The following BICRA variants were observed in gnomAD, a reference collection of about 807,000 sequenced individuals.
BICRA encodes BRD4-interacting chromatin-remodeling complex-associated protein.
Under a neutral mutation model 96.9 loss-of-function variants are expected in BICRA, and 31 were observed. That is an observed-to-expected ratio of 0.32 (90% CI 0.24 to 0.43). BICRA has a LOEUF of 0.43. Ranked by LOEUF, BICRA falls within the 20% of genes least tolerant of loss-of-function variation. BICRA has a pLI of 1.00. For synonymous variants in BICRA, 1,350 were observed against 1,071.8 expected (o/e 1.26, Z -5.07); for missense variants, 2,283 against 2,190.3 (o/e 1.04, Z -0.84).
intron 1 of BICRA, among the ~76,000 whole-genome samples, chr19:47,650,098 G>A (rs1394307330): frequency 2.6e-5 from 4 of 151,848 alleles, no homozygotes; most frequent in Admixed American, 2.0e-4. Flanking sequence ...ATTTACAGGT[G>A]CATGCCACCA....
In BICRA at chr19:47,698,584, C is replaced by CCTCCCCCCCCCCCCCCCCCCG; in HGVS notation, c.3249-50_3249-49insCTCCCCCCCCCCCCCCCCCCG. 6.4e-6 allele frequency: 5 copies of CCTCCCCCCCCCCCCCCCCCCG among 785,674 alleles called. No individual in the cohort carries two copies. The highest frequency in any genetic ancestry group is 1.1e-5 in the Non-Finnish European group (5 of 442,434). 48.7% of individuals were successfully genotyped at this position (785,674 alleles called of 1,614,324 possible). A position where few individuals can be genotyped will look rare whatever the true frequency, so the allele number is the denominator to read the frequency against. On this transcript the variant is annotated intron_variant, in intron 11 of 14. Coordinates refer to ENST00000594866, the MANE Select transcript of BICRA (RefSeq NM_001394372.1). This position sits in a 1 kb window ranked among gnomAD's most constrained non-coding sequence, Gnocchi z 4.8. ...TCAGGGACTTCCCCTGGCCCTCACC[C>CCTCCCCCCCCCCCCCCCCCCG]GTCCCCCCCACCCTCCGCCGTGTGT...
chr19:47,695,342 T>TCGGGGGGGCCCCCCCCCCCC, intron 9 of BICRA, 23 bp from the exon 10 acceptor site: 2 of 630,180 alleles, frequency 3.2e-6, no homozygotes, highest in Non-Finnish European at 5.7e-6. Context: ...AGGCCCTGTC[T>TCGGGGGGGCCCCCCCCCCCC]CCCCCACCCC....
intron 2 of BICRA, among the ~76,000 whole-genome samples, chr19:47,670,981 C>T (rs1972854116): frequency 6.6e-6 from 1 of 152,142 alleles, no homozygotes; most frequent in African/African-American, 2.4e-5. Context: ...ACACTCCCCA[C>T]AGCCAGCCCC....
At position 47,680,997 on chromosome 19, in the gene BICRA, C is replaced by G. The variant is rs957806891; in HGVS notation, c.1827C>G (p.Ala609=). The G allele has an allele frequency of 2.1e-6, 3 of 1,460,318 alleles. No homozygotes were observed. The highest frequency in any genetic ancestry group is 2.9e-5 in the East Asian group (1 of 33,926). The allele number at this position is 1,460,318 out of a possible 1,614,324, so 90.5% of individuals were successfully genotyped here. A position where few individuals can be genotyped will look rare whatever the true frequency, so the allele number is the denominator to read the frequency against. Residue 609 remains alanine, a synonymous_variant, in exon 6 of 15, where the codon GCC becomes GCG. Coordinates refer to ENST00000594866, the MANE Select transcript of BICRA (RefSeq NM_001394372.1). ...PDGLVQPATP[A]AATGEAAPVL... Reference sequence around the variant, plus strand: ...GCCTGGTGCAGCCGGCCACCCCTGCCGCTGCCACCGGGGAGGCCGCGCCTG... The same window carrying G: ...GCCTGGTGCAGCCGGCCACCCCTGCGGCTGCCACCGGGGAGGCCGCGCCTG...
At position 47,680,811 on chromosome 19, in the gene BICRA, C is replaced by T; in HGVS notation, c.1641C>T (p.Ile547=). The T allele has an allele frequency of 6.2e-7, 1 of 1,607,010 alleles. No individual in the cohort carries two copies. The highest frequency in any genetic ancestry group is 8.5e-7 in the Non-Finnish European group (1 of 1,178,630). ...CGCACATCCTCTCCGCCGCTCCCAT[C>T]CAGGTGGGCCAGCCTGCGCTCTTCC... ...HSAHILSAAP[I]QVGQPALFQM... Residue 547 remains isoleucine, a synonymous_variant, in exon 6 of 15, where the codon ATC becomes ATT. Coordinates refer to ENST00000594866, the MANE Select transcript of BICRA (RefSeq NM_001394372.1).
At chr19:47,649,419 C>G (rs1363385990) in intron 1 of BICRA, among the ~76,000 whole-genome samples, 1 of 152,178 alleles carries the variant, frequency 6.6e-6, no homozygotes, top group East Asian at 1.9e-4. Context: ...ATCAGAAATT[C>G]AAACAGGAAC....
intron 1 of BICRA, among the ~76,000 whole-genome samples, chr19:47,643,997 A>G (rs1241844703): frequency 6.6e-6 from 1 of 152,018 alleles, no homozygotes; most frequent in East Asian, 1.9e-4. Flanking sequence ...AGAGACCTTT[A>G]CCTACATTCA....
Position 47,701,606 on chromosome 19 carries a change from C to A in BICRA, c.3874C>A (p.Arg1292Ser). ...CGACGAGGACGGCCCCATGCCCTCC[C>A]GCAACCGCCCGCCCATCAAGACCTA... ...DADEDGPMPS[R>S]NRPPIKTYEA... is the part of the protein sequence containing the mutation. Residue 1292 changes from arginine (R) to serine (S), a missense_variant, in exon 15 of 15, where the codon CGC becomes AGC. By Grantham distance (110) the Arg-to-Ser change is moderately radical. Coordinates refer to ENST00000594866, the MANE Select transcript of BICRA (RefSeq NM_001394372.1). This position sits in a 1 kb window ranked among gnomAD's most constrained non-coding sequence, Gnocchi z 5.4. 6.4e-7 allele frequency: 1 copy of A among 1,560,782 alleles called. No individual in the cohort carries two copies. The highest frequency in any genetic ancestry group is 8.7e-7 in the Non-Finnish European group (1 of 1,153,528).
chr19:47,616,378 T>C (rs1202998438), intron 1 of BICRA, among the ~76,000 whole-genome samples: 1 of 152,210 alleles, frequency 6.6e-6, no homozygotes, highest in Non-Finnish European at 1.5e-5. Context: ...GGCTCATGCC[T>C]GTAATCCCAG....
At chr19:47,688,163 G>A (rs559937800) in intron 7 of BICRA, among the ~76,000 whole-genome samples, 2 of 152,156 alleles carry the variant, frequency 1.3e-5, no homozygotes, top group East Asian at 3.9e-4. Flanking sequence ...GCTCATGCCT[G>A]TAGTCCCAGC....
Position 47,649,331 on chromosome 19 carries a change from C to T in BICRA, c.-107-21112C>T, listed in dbSNP as rs117104970. 9.1e-3 allele frequency among the ~76,000 whole-genome samples: 1,385 copies of T among 152,198 alleles called. 10 individuals are homozygous for T. The highest frequency in any genetic ancestry group is 0.014 in the Non-Finnish European group (966 of 68,000). On this transcript the variant is annotated intron_variant, in intron 1 of 14. Coordinates refer to ENST00000594866, the MANE Select transcript of BICRA (RefSeq NM_001394372.1). ...GTTAATCTTTTCATTTATTTGTGAGCGCTGTTATATGCCCTCTGTATCTTT... is the reference window on the plus strand; with the variant it reads ...GTTAATCTTTTCATTTATTTGTGAGTGCTGTTATATGCCCTCTGTATCTTT...
chr19:47,702,460 C>G lies in BICRA; in HGVS notation c.*45C>G, dbSNP rs890937087. The stretch of plus-strand genomic sequence containing the variant: ...CCCCGTCCCCTCCTCCCGAAGACGC[C>G]GGGACAGTCGGGTGTCCGCCCTCAG... On this transcript the variant is annotated 3_prime_UTR_variant, in exon 15 of 15. Transcript: ENST00000594866. The G allele has an allele frequency of 7.0e-7, 1 of 1,425,054 alleles. No homozygotes were observed. The highest frequency in any genetic ancestry group is 9.1e-7 in the Non-Finnish European group (1 of 1,100,784). The allele number at this position is 1,425,054 out of a possible 1,614,324, so 88.3% of individuals were successfully genotyped here. A position where few individuals can be genotyped will look rare whatever the true frequency, so the allele number is the denominator to read the frequency against.
Position 47,680,394 on chromosome 19 carries a change from C to A in BICRA, c.1224C>A (p.Asn408Lys), listed in dbSNP as rs780989056. The change falls in exon 6 of 15, where the codon AAC (asparagine) becomes AAA (lysine). Residue 408 changes from asparagine to lysine, a missense_variant. By Grantham distance (94) the Asn-to-Lys change is moderately conservative. Coordinates refer to ENST00000594866, the MANE Select transcript of BICRA (RefSeq NM_001394372.1). ...TGGCGGCGGGGAAGGCGGGCCAGAA[C>A]GTGGTGCTGTCGGGCTTCCCCGCGC... ...TFMAAGKAGQ[N>K]VVLSGFPAPA... The A allele has an allele frequency of 2.6e-6, 4 of 1,533,818 alleles. No homozygotes were observed. The highest frequency in any genetic ancestry group is 3.5e-6 in the Non-Finnish European group (4 of 1,144,950).
chr19:47,639,989 C>T (rs1972360938), intron 1 of BICRA, among the ~76,000 whole-genome samples: 1 of 152,156 alleles, frequency 6.6e-6, no homozygotes, highest in Non-Finnish European at 1.5e-5. Flanking sequence ...ATTTACCAGG[C>T]TCAGCCTCTT....
rs534346493 is a variant in BICRA, at chr19:47,650,906, G to A, written c.-107-19537G>A. Among the ~76,000 whole-genome samples, 105 of 152,168 alleles carry A rather than the reference G, an allele frequency of 6.9e-4. 1 individual carries two copies. In the Middle Eastern group the frequency reaches 0.014, roughly 20 times the overall value. ...CCGCACAGCCTGACACCATCTGCCC[G>A]GTCCACCCATCTTGACACCATCTGC... is the stretch of plus-strand genomic sequence containing the variant. On this transcript the variant is annotated intron_variant, in intron 1 of 14. Coordinates refer to ENST00000594866, the MANE Select transcript of BICRA (RefSeq NM_001394372.1).
At chr19:47,638,725 G>A (rs1353039496) in intron 1 of BICRA, among the ~76,000 whole-genome samples, 1 of 151,222 alleles carries the variant, frequency 6.6e-6, no homozygotes, top group Admixed American at 6.6e-5. Flanking sequence ...GTGCAATCTC[G>A]GCTCACTGCA....
At chr19:47,653,105 C>G (rs1318706624) in intron 1 of BICRA, among the ~76,000 whole-genome samples, 1 of 151,186 alleles carries the variant, frequency 6.6e-6, no homozygotes, top group African/African-American at 2.4e-5. Context: ...TCACTGCAAC[C>G]TCCACCTTCA....
At chr19:47,646,088 ACCCT>A in intron 1 of BICRA, among the ~76,000 whole-genome samples, 1 of 152,038 alleles carries the variant, frequency 6.6e-6, no homozygotes, top group Non-Finnish European at 1.5e-5. Context: ...ACAGAGTGAG[ACCCT>A]GTCTCCAAAA....
Position 47,642,436 on chromosome 19 carries a change from C to T in BICRA, c.-107-28007C>T, listed in dbSNP as rs1034886745. On this transcript the variant is annotated intron_variant, in intron 1 of 14. Transcript: ENST00000594866. The stretch of plus-strand genomic sequence containing the variant: ...AACTGCCCACCTGGGCGCAGTGGCT[C>T]ACACCTGTAGTCCCAGCACTTTGGG... 2.0e-5 allele frequency among the ~76,000 whole-genome samples: 3 copies of T among 152,326 alleles called. No individual in the cohort carries two copies. The East Asian group carries it at 5.8e-4, about 29-fold the overall frequency.
Sources: gnomAD v4.1 joint callset for allele counts (sites outside exome capture counted in the v4.1 genomes callset) on GRCh38, gnomAD v4.1.1 for gene constraint, Gnocchi (gnomAD v3.1) non-coding constraint, MANE v1.5 for transcripts, NCBI Gene and HGNC (gene_info 2026-07-23, HGNC 2026-07-21) for gene names.